Variants in SV2C observed in about 807,000 individuals in gnomAD.
The protein encoded by SV2C is synaptic vesicle glycoprotein 2C.
A neutral mutation model predicts 79.7 loss-of-function variants in SV2C; 49 were observed. The ratio of observed to expected loss-of-function variants is 0.61; its 90% confidence interval spans 0.49 to 0.78. SV2C has a LOEUF of 0.78. Ranked by LOEUF, SV2C falls within the 30% of genes least tolerant of loss-of-function variation. The pLI is 0.00. For missense variants in SV2C, 833 were observed against 912.9 expected (o/e 0.91, Z 1.13); for synonymous variants, 334 against 333.2 (o/e 1.00, Z -0.03).
the SV2C span, among the ~76,000 whole-genome samples, chr5:76,044,036 G>A: frequency 1.3e-5 from 2 of 152,196 alleles, no homozygotes; most frequent in East Asian, 1.9e-4. Context: ...ACATGCATTA[G>A]CTATTTATCC....
At chr5:76,040,253 A>G in the SV2C span, among the ~76,000 whole-genome samples, 1 of 152,224 alleles carries the variant, frequency 6.6e-6, no homozygotes, top group Admixed American at 6.5e-5. Flanking sequence ...TAGAATGAGC[A>G]TTAAATTGAA....
chr5:76,260,927 C>G (rs1746442517), intron 4 of SV2C, among the ~76,000 whole-genome samples: 1 of 149,732 alleles, frequency 6.7e-6, no homozygotes, highest in Admixed American at 6.7e-5. Flanking sequence ...GTTGTATGGG[C>G]TCTTTTTGGT....
intron 2 of SV2C, among the ~76,000 whole-genome samples, chr5:76,168,885 C>A (rs1315327387): frequency 6.6e-6 from 1 of 152,206 alleles, no homozygotes; most frequent in Non-Finnish European, 1.5e-5. Flanking sequence ...GACCTGTAGA[C>A]ACTATTGCTT....
At chr5:76,271,376 C>CA (rs779109517) in intron 4 of SV2C, among the ~76,000 whole-genome samples, 45 of 152,058 alleles carry the variant, frequency 3.0e-4, no homozygotes, top group Admixed American at 7.9e-4. Flanking sequence ...GGACTACCCA[C>CA]AAAAAACAAC....
At chr5:75,947,951 G>T in the SV2C span, among the ~76,000 whole-genome samples, 1 of 151,622 alleles carries the variant, frequency 6.6e-6, no homozygotes, top group Admixed American at 6.6e-5. Flanking sequence ...ATCAGTGAAC[G>T]CTATTAACTT....
chr5:75,980,728 A>G, the SV2C span, among the ~76,000 whole-genome samples: 2 of 152,326 alleles, frequency 1.3e-5, no homozygotes, highest in South Asian at 2.1e-4. Context: ...AATAAGAGCC[A>G]TATATGACAA....
At chr5:75,942,823 A>G in the SV2C span, among the ~76,000 whole-genome samples, 1 of 152,148 alleles carries the variant, frequency 6.6e-6, no homozygotes, top group Non-Finnish European at 1.5e-5. Context: ...TTTTGGATTA[A>G]AGGAAGATTC....
downstream of SV2C, among the ~76,000 whole-genome samples, chr5:76,336,391 C>T (rs1349509442): frequency 1.3e-5 from 2 of 151,560 alleles, 1 homozygote; most frequent in South Asian, 4.2e-4. Context: ...CTGGCAGAGA[C>T]GCTCCTCACC....
the SV2C span, among the ~76,000 whole-genome samples, chr5:76,053,285 C>T: frequency 6.6e-6 from 1 of 152,128 alleles, no homozygotes; most frequent in African/African-American, 2.4e-5. Context: ...CTCAATAAAA[C>T]TCCCAATTGA....
chr5:76,122,689 C>G (rs934141838), intron 1 of SV2C, among the ~76,000 whole-genome samples: 2 of 151,478 alleles, frequency 1.3e-5, no homozygotes, highest in Non-Finnish European at 2.9e-5. Flanking sequence ...AACAAAGACA[C>G]AACATACCAG....
At chr5:76,239,067 C>T (rs1004407363) in intron 4 of SV2C, among the ~76,000 whole-genome samples, 1 of 150,314 alleles carries the variant, frequency 6.7e-6, no homozygotes, top group Non-Finnish European at 1.5e-5. Context: ...CTTTTGGGAT[C>T]CTAGGGAATA....
rs16873304 is a variant in SV2C, at chr5:76,297,912, G to A, written c.1503-882G>A. ...AACAAGCATTTTCCTCTCAGTGACT[G>A]GCTAAGTGTACATTCATAGTCTCTT... On this transcript the variant is annotated intron_variant, in intron 9 of 12. Coordinates refer to ENST00000502798, the MANE Select transcript of SV2C (RefSeq NM_014979.4). Among the ~76,000 whole-genome samples the A allele has an allele frequency of 3.2e-3, 487 of 152,194 alleles. 2 individuals carry two copies. Among genetic ancestry groups the A allele is most frequent in the Admixed American group, 6.9e-3 (106 of 15,290 alleles).
At chr5:76,118,885 A>G (rs1382029959) in intron 1 of SV2C, among the ~76,000 whole-genome samples, 1 of 152,188 alleles carries the variant, frequency 6.6e-6, no homozygotes, top group African/African-American at 2.4e-5. Flanking sequence ...CAGGAGGCTG[A>G]GGCACAAGAA....
At chr5:76,208,518 A>C (rs1744676052) in intron 3 of SV2C, among the ~76,000 whole-genome samples, 1 of 152,206 alleles carries the variant, frequency 6.6e-6, no homozygotes, top group Non-Finnish European at 1.5e-5. Flanking sequence ...CCCGTGGTTT[A>C]TTTGGTACAC....
At chr5:76,049,025 A>AAGAAAGAAAGAAAGAAAG in the SV2C span, among the ~76,000 whole-genome samples, 1 of 48,152 alleles carries the variant, frequency 2.1e-5, no homozygotes, top group Admixed American at 2.7e-4. Context: ...GAAAGAAAGA[A>AAGAAAGAAAGAAAGAAAG]AAAGAAAAGA....
At chr5:76,198,539 GC>G (rs1395006912) in intron 3 of SV2C, among the ~76,000 whole-genome samples, 2 of 151,916 alleles carry the variant, frequency 1.3e-5, no homozygotes, top group East Asian at 3.9e-4. Flanking sequence ...TTTATAAACT[GC>G]CCCACCTCAG....
At chr5:75,901,856 A>G in the SV2C span, among the ~76,000 whole-genome samples, 3 of 152,308 alleles carry the variant, frequency 2.0e-5, no homozygotes, top group South Asian at 4.1e-4. Context: ...TGTGCTAGCA[A>G]TCAGTGAGAC....
chr5:76,167,170 G>A (rs1169492404), intron 2 of SV2C, among the ~76,000 whole-genome samples: 1 of 151,334 alleles, frequency 6.6e-6, no homozygotes, highest in Non-Finnish European at 1.5e-5. Context: ...TGACCTAGCA[G>A]GCACCTGATT....
At chr5:75,888,345 T>A in the SV2C span, among the ~76,000 whole-genome samples, 2,456 of 97,868 alleles carry the variant, frequency 0.025, 60 homozygotes, top group African/African-American at 0.12. Context: ...AAAAAAAAAA[T>A]TTTTTTTTTG....
Sources: gnomAD v4.1 joint callset for allele counts (sites outside exome capture counted in the v4.1 genomes callset) on GRCh38, gnomAD v4.1.1 for gene constraint, MANE v1.5 for transcripts, NCBI Gene and HGNC (gene_info 2026-07-23, HGNC 2026-07-21) for gene names.